The following KIF13A variants were observed in gnomAD, a reference collection of about 807,000 sequenced individuals.
KIF13A encodes the protein kinesin family member 13A, also known as kinesin-like protein KIF13A.
KIF13A carries 79 observed loss-of-function variants against 212.2 expected under a neutral mutation model. That is an observed-to-expected ratio of 0.37 (90% CI 0.31 to 0.45). The LOEUF is 0.45. Ranked by LOEUF, KIF13A falls within the 20% of genes least tolerant of loss-of-function variation. KIF13A has a pLI of 1.00. For synonymous variants in KIF13A, 789 were observed against 808.6 expected (o/e 0.98, Z 0.41); for missense variants, 1,901 against 2,209.0 (o/e 0.86, Z 2.79).
At chr6:17,832,917 G>A (rs1448946437) in intron 12 of KIF13A, among the ~76,000 whole-genome samples, 2 of 149,214 alleles carry the variant, frequency 1.3e-5, no homozygotes, top group Non-Finnish European at 3.0e-5. Flanking sequence ...GGGAGGCTGA[G>A]GCAGAAGAAT....
At chr6:17,800,603 AT>A (rs35331549) in intron 20 of KIF13A, among the ~76,000 whole-genome samples, 177 of 137,780 alleles carry the variant, frequency 1.3e-3, no homozygotes, top group African/African-American at 2.1e-3. Flanking sequence ...CGCCCAGCTA[AT>A]TTTTTTTTTT....
chr6:17,795,548 TCG>T (rs1761960671), intron 23 of KIF13A, among the ~76,000 whole-genome samples: 1 of 148,356 alleles, frequency 6.7e-6, no homozygotes, highest in Non-Finnish European at 1.5e-5. Context: ...TGAGCTAAGA[TCG>T]CACCACTGCA....
chr6:17,874,599 G>A (rs1414817609), intron 3 of KIF13A, among the ~76,000 whole-genome samples: 8 of 151,842 alleles, frequency 5.3e-5, no homozygotes, highest in Admixed American at 3.3e-4. Flanking sequence ...ACCATGCCTG[G>A]CTAATTTCAT....
intron 20 of KIF13A, 52 bp downstream of exon 20, chr6:17,804,309 C>A: frequency 7.0e-7 from 1 of 1,436,790 alleles, no homozygotes; most frequent in Non-Finnish European, 9.2e-7. Context: ...CAAAATAAAA[C>A]AAAACAAAAA....
At chr6:17,813,506 A>T (rs897337232) in intron 17 of KIF13A, among the ~76,000 whole-genome samples, 46 of 152,296 alleles carry the variant, frequency 3.0e-4, no homozygotes, top group African/African-American at 8.4e-4. Flanking sequence ...AAAAAAGAGT[A>T]ATATAAGTAT....
chr6:17,881,362 G>T (rs1771041472), intron 3 of KIF13A: 1 of 352,760 alleles, frequency 2.8e-6, no homozygotes, highest in South Asian at 2.2e-5. Context: ...CATGACTTAC[G>T]AATAGGATGT....
chr6:17,791,827 G>A (rs1332777471), intron 25 of KIF13A, among the ~76,000 whole-genome samples: 1 of 149,488 alleles, frequency 6.7e-6, no homozygotes, highest in African/African-American at 2.5e-5. Flanking sequence ...TTGAACCAGG[G>A]AGATGGAAGA....
At chr6:17,889,784 C>T (rs1449755871) in intron 3 of KIF13A, among the ~76,000 whole-genome samples, 1 of 152,108 alleles carries the variant, frequency 6.6e-6, no homozygotes, top group Non-Finnish European at 1.5e-5. Flanking sequence ...CCAAGCTCTC[C>T]CCCTGGACGG....
At chr6:17,931,924 T>C (rs1776018024) in intron 2 of KIF13A, among the ~76,000 whole-genome samples, 1 of 152,178 alleles carries the variant, frequency 6.6e-6, no homozygotes, top group Non-Finnish European at 1.5e-5. Context: ...AAATTTTCCT[T>C]CTAGATTTGT....
In KIF13A at chr6:17,846,122, AT is replaced by A. The variant is rs746066583; in HGVS notation, c.830+3254del. ...AGGCGCCCACTACCATGCCGGGCTGATTTTTGTATTTTTAGTAAAGACAGGG... is the reference window on the plus strand; with the variant it reads ...AGGCGCCCACTACCATGCCGGGCTGATTTTGTATTTTTAGTAAAGACAGGG... On this transcript the variant is annotated intron_variant, in intron 9 of 38. Coordinates refer to ENST00000259711, the MANE Select transcript of KIF13A (RefSeq NM_022113.6). 1.3e-3 allele frequency among the ~76,000 whole-genome samples: 153 copies of A among 120,474 alleles called. 1 individual carries two copies. The highest frequency in any genetic ancestry group is 3.9e-3 in the South Asian group (14 of 3,604). The allele number at this position is 120,474 out of a possible 152,430, so 79.0% of individuals were successfully genotyped here. A position where few individuals can be genotyped will look rare whatever the true frequency, so the allele number is the denominator to read the frequency against.
At chr6:17,863,743 T>C (rs1769080071) in intron 4 of KIF13A, among the ~76,000 whole-genome samples, 1 of 152,198 alleles carries the variant, frequency 6.6e-6, no homozygotes, top group Admixed American at 6.5e-5. Context: ...AACCCTCATA[T>C]GGTCTCTTGA....
chr6:17,913,730 G>A (rs1309186591), intron 2 of KIF13A, among the ~76,000 whole-genome samples: 1 of 152,114 alleles, frequency 6.6e-6, no homozygotes. Context: ...ACCGAGGGGG[G>A]ATTGACTAAG....
intron 3 of KIF13A, 26 bp from the exon 4 acceptor site, chr6:17,873,463 CTTAAAGATTAAT>C (rs1203467610): frequency 6.8e-7 from 1 of 1,481,074 alleles, no homozygotes; most frequent in East Asian, 2.4e-5. Context: ...AAATATTAAA[CTTAAAGATTAAT>C]TAACTTCTTA....
intron 6 of KIF13A, among the ~76,000 whole-genome samples, chr6:17,853,792 A>G (rs1451805641): frequency 6.6e-6 from 1 of 152,248 alleles, no homozygotes; most frequent in Non-Finnish European, 1.5e-5. Context: ...GAAGAGGAAG[A>G]GAATGCTAAA....
At chr6:17,844,144 C>T (rs1188082802) in intron 9 of KIF13A, among the ~76,000 whole-genome samples, 1 of 151,994 alleles carries the variant, frequency 6.6e-6, no homozygotes, top group Non-Finnish European at 1.5e-5. Context: ...AATAAGTCCT[C>T]ACTCTTAACA....
intron 2 of KIF13A, among the ~76,000 whole-genome samples, chr6:17,932,425 C>T (rs1275888612): frequency 2.0e-5 from 3 of 152,122 alleles, no homozygotes; most frequent in Non-Finnish European, 1.5e-5. Flanking sequence ...AGTAACGTTG[C>T]GACCTTATGA....
intron 2 of KIF13A, among the ~76,000 whole-genome samples, chr6:17,949,797 C>A (rs574562849): frequency 1.3e-5 from 2 of 152,148 alleles, no homozygotes; most frequent in South Asian, 2.1e-4. Context: ...AAAACAAGTG[C>A]CAACTCGAGT....
intron 4 of KIF13A, among the ~76,000 whole-genome samples, chr6:17,865,700 T>C (rs1220964816): frequency 1.3e-5 from 2 of 152,256 alleles, no homozygotes; most frequent in African/African-American, 4.8e-5. Flanking sequence ...GCTGTAAGGC[T>C]TGACTTGGTA....
At chr6:17,830,047 T>G (rs1469639897) in intron 13 of KIF13A, among the ~76,000 whole-genome samples, 2 of 152,210 alleles carry the variant, frequency 1.3e-5, no homozygotes, top group Non-Finnish European at 2.9e-5. Context: ...TGTGTGTATG[T>G]GTGAGATTAA....
Sources: gnomAD v4.1 joint callset for allele counts (sites outside exome capture counted in the v4.1 genomes callset) on GRCh38, gnomAD v4.1.1 for gene constraint, MANE v1.5 for transcripts, NCBI Gene and HGNC (gene_info 2026-07-23, HGNC 2026-07-21) for gene names.